Variants in COXFA4L2 observed in about 807,000 individuals in gnomAD.
COXFA4L2 encodes cytochrome c oxidase hypoxia associated subunit FA4L2, also known as NADH dehydrogenase (ubiquinone) 1 alpha subcomplex, 4-like 2.
the COXFA4L2 span, chr12:57,235,326 C>T: frequency 1.7e-6 from 1 of 593,128 alleles, no homozygotes; most frequent in Non-Finnish European, 3.0e-6. Flanking sequence ...GCTGGTGCTG[C>T]CTGCCTCCTC....
the COXFA4L2 span, chr12:57,236,271 A>G: frequency 4.8e-3 from 1,786 of 368,404 alleles, 11 homozygotes; most frequent in Middle Eastern, 4.9e-3. Flanking sequence ...TCACCCGGCC[A>G]CAACCCCAGT....
At chr12:57,236,606 T>TGCGAAGG in the COXFA4L2 span, 9 of 1,582,868 alleles carry the variant, frequency 5.7e-6, no homozygotes, top group South Asian at 1.0e-4. Flanking sequence ...ACGTCGGGGC[T>TGCGAAGG]GCGAAGGGCG....
the COXFA4L2 span, among the ~76,000 whole-genome samples, chr12:57,238,812 A>G: frequency 2.7e-4 from 41 of 152,044 alleles, no homozygotes; most frequent in South Asian, 7.9e-3. The surrounding 1 kb of genome is among the most constrained non-coding windows in gnomAD (Gnocchi z 6.8). Context: ...CCGAGATGCA[A>G]CGTTACATTA....
At chr12:57,235,826 G>T in the COXFA4L2 span, 1 of 1,519,706 alleles carries the variant, frequency 6.6e-7, no homozygotes, top group Non-Finnish European at 8.8e-7. Context: ...AGCAGGAGGG[G>T]GGAGGGTTAG....
At chr12:57,236,656 C>T in the COXFA4L2 span, 1 of 1,574,668 alleles carries the variant, frequency 6.4e-7, no homozygotes, top group Non-Finnish European at 8.6e-7. Context: ...CATGCCCAGG[C>T]AGATTAAGCC....
chr12:57,235,298 G>T, the COXFA4L2 span: 2 of 579,630 alleles, frequency 3.5e-6, no homozygotes, highest in Non-Finnish European at 6.2e-6. Flanking sequence ...GGCTGGTCTG[G>T]GCTCTTGGTG....
the COXFA4L2 span, chr12:57,236,289 T>G: frequency 2.4e-6 from 1 of 414,778 alleles, no homozygotes; most frequent in East Asian, 3.9e-5. Context: ...AGTGCTCTGG[T>G]GAGGACTTAG....
the COXFA4L2 span, chr12:57,237,320 C>T: frequency 7.0e-7 from 1 of 1,422,960 alleles, no homozygotes; most frequent in South Asian, 1.5e-5. Context: ...CGACTCTCTC[C>T]TCCAGATGTC....
the COXFA4L2 span, chr12:57,235,034 C>G: frequency 6.3e-6 from 1 of 157,872 alleles, no homozygotes; most frequent in Non-Finnish European, 1.4e-5. Context: ...CTGGCGGCAG[C>G]GGGAGGCAGT....
chr12:57,240,658 C>A, the COXFA4L2 span: 1 of 985,296 alleles, frequency 1.0e-6, no homozygotes, highest in African/African-American at 1.7e-5. Context: ...CGCCTACGCA[C>A]TGTCACTGAG....
At chr12:57,236,633 G>A in the COXFA4L2 span, 49 of 1,583,956 alleles carry the variant, frequency 3.1e-5, no homozygotes, top group Non-Finnish European at 4.1e-5. Flanking sequence ...AGCAAGTAAA[G>A]CGCAGCGCTG....
At chr12:57,236,673 C>T in the COXFA4L2 span, 2 of 1,566,820 alleles carry the variant, frequency 1.3e-6, no homozygotes, top group Non-Finnish European at 1.7e-6. Context: ...AGCCGATCAT[C>T]GGGATGATCT....
chr12:57,238,375 A>T, the COXFA4L2 span, among the ~76,000 whole-genome samples: 1 of 152,038 alleles, frequency 6.6e-6, no homozygotes, highest in Non-Finnish European at 1.5e-5. The surrounding 1 kb of genome is among the most constrained non-coding windows in gnomAD (Gnocchi z 6.8). Flanking sequence ...ACACGGCGAG[A>T]ACAAAGAGAC....
At chr12:57,236,738 C>A in the COXFA4L2 span, 1 of 1,466,046 alleles carries the variant, frequency 6.8e-7, no homozygotes, top group South Asian at 1.3e-5. Flanking sequence ...AGTTCCCAGT[C>A]ACCCTTTACA....
At chr12:57,235,866 A>T in the COXFA4L2 span, 2 of 1,458,126 alleles carry the variant, frequency 1.4e-6, no homozygotes, top group Non-Finnish European at 1.8e-6. Context: ...AGAACTCTGT[A>T]ACCCAATTTG....
chr12:57,238,229 T>C, the COXFA4L2 span, among the ~76,000 whole-genome samples: 1 of 152,004 alleles, frequency 6.6e-6, no homozygotes, highest in Non-Finnish European at 1.5e-5. The surrounding 1 kb of genome is among the most constrained non-coding windows in gnomAD (Gnocchi z 6.8). Context: ...GAGAGGGCGC[T>C]TTCTAGGGTC....
the COXFA4L2 span, chr12:57,237,041 T>C: frequency 6.2e-7 from 1 of 1,614,186 alleles, no homozygotes; most frequent in Non-Finnish European, 8.5e-7. Flanking sequence ...CCGGATGTCT[T>C]TTGATCTGCC....
the COXFA4L2 span, chr12:57,237,207 G>T: frequency 6.3e-7 from 1 of 1,575,662 alleles, no homozygotes; most frequent in Non-Finnish European, 8.6e-7. Context: ...CCCAGCCCGT[G>T]CTTCTTTGGA....
chr12:57,237,351 C>G, the COXFA4L2 span: 1 of 1,396,472 alleles, frequency 7.2e-7, no homozygotes, highest in East Asian at 2.7e-5. Context: ...CCAAGGGACA[C>G]CATCATTCTT....
Sources: allele counts gnomAD v4.1 joint callset (sites outside exome capture counted in the v4.1 genomes callset), GRCh38; gene constraint gnomAD v4.1.1; non-coding constraint Gnocchi (gnomAD v3.1); transcripts MANE v1.5; gene names NCBI Gene and HGNC (gene_info 2026-07-23, HGNC 2026-07-21).